Variants in SLC41A3 observed in about 807,000 individuals in gnomAD.
SLC41A3 encodes solute carrier family 41 member 3, also known as SLC41A1-like 2.
In SLC41A3, 44 loss-of-function variants were observed where a neutral mutation model predicts 45.4. The ratio of observed to expected loss-of-function variants is 0.97; its 90% CI spans 0.76 to 1.25. The LOEUF (loss-of-function observed/expected upper bound fraction) is 1.25, where lower values mean the gene tolerates loss of function less well. Ranked by LOEUF, SLC41A3 falls within the 50% of genes most tolerant of loss-of-function variation. SLC41A3 has a pLI of 0.00. For missense variants in SLC41A3, 550 were observed against 600.6 expected (o/e 0.92, Z 0.88); for synonymous variants, 256 against 252.4 (o/e 1.01, Z -0.13).
At chr3:126,013,116 T>C (rs1407967751) in intron 8 of SLC41A3, among the ~76,000 whole-genome samples, 1 of 151,886 alleles carries the variant, frequency 6.6e-6, no homozygotes, top group Non-Finnish European at 1.5e-5. Flanking sequence ...CTGAGAATAG[T>C]GTGATAAGGC....
At chr3:126,086,408 G>GGTTTTTTTTGTTT (rs776330275), upstream of SLC41A3, among the ~76,000 whole-genome samples, 2 of 21,184 alleles carry the variant, frequency 9.4e-5, no homozygotes. Flanking sequence ...TTGTTTTCTT[G>GGTTTTTTTTGTTT]TTTTTTTTTT....
intron 2 of SLC41A3, among the ~76,000 whole-genome samples, chr3:126,063,004 G>A (rs149715908): frequency 1.7e-4 from 26 of 152,324 alleles, no homozygotes; most frequent in Admixed American, 3.3e-4. Flanking sequence ...AGGGGCTGCG[G>A]ATCCAGGGAA....
intron 2 of SLC41A3, among the ~76,000 whole-genome samples, chr3:126,057,692 A>G (rs940286565): frequency 2.0e-5 from 3 of 152,066 alleles, no homozygotes; most frequent in African/African-American, 7.2e-5. Flanking sequence ...GGCCTCCCCA[A>G]GGCTGTCCCT....
At chr3:126,081,718 G>A (rs1345370585) in intron 1 of SLC41A3, among the ~76,000 whole-genome samples, 1 of 152,218 alleles carries the variant, frequency 6.6e-6, no homozygotes. Flanking sequence ...AGAAGGGCCT[G>A]GAACACAGCC....
At chr3:126,035,846 C>CT (rs1368868216) in intron 3 of SLC41A3, among the ~76,000 whole-genome samples, 3 of 152,072 alleles carry the variant, frequency 2.0e-5, no homozygotes, top group Admixed American at 6.5e-5. Context: ...CGAGGGGGCT[C>CT]TCGGGGGAGC....
chr3:126,041,846 A>C (rs1942615147), intron 3 of SLC41A3, among the ~76,000 whole-genome samples: 1 of 143,456 alleles, frequency 7.0e-6, no homozygotes, highest in African/African-American at 2.6e-5. Flanking sequence ...AATAGCTTTG[A>C]GGCAGCTCAG....
chr3:126,029,074 CT>C (rs1941595735), intron 4 of SLC41A3, among the ~76,000 whole-genome samples: 1 of 152,124 alleles, frequency 6.6e-6, no homozygotes, highest in Admixed American at 6.5e-5. Flanking sequence ...AGACTTTGGA[CT>C]TTTGAGTTAA....
At chr3:126,063,481 G>A (rs962793765) in intron 2 of SLC41A3, among the ~76,000 whole-genome samples, 11 of 152,208 alleles carry the variant, frequency 7.2e-5, no homozygotes, top group South Asian at 4.1e-4. Flanking sequence ...AAGGGTCAGC[G>A]CAGTGGCCAA....
chr3:126,052,391 C>G (rs1035394230), intron 2 of SLC41A3, among the ~76,000 whole-genome samples: 6 of 152,128 alleles, frequency 3.9e-5, no homozygotes, highest in African/African-American at 1.4e-4. Context: ...TGGAGCCCAG[C>G]GTGCTCATGG....
chr3:126,038,385 C>T (rs924640733), intron 3 of SLC41A3, among the ~76,000 whole-genome samples: 8 of 152,258 alleles, frequency 5.3e-5, no homozygotes, highest in Non-Finnish European at 1.0e-4. Flanking sequence ...ACAGCAGCCA[C>T]AGAGGCTGCA....
At chr3:126,013,216 T>G (rs1160414039) in intron 8 of SLC41A3, among the ~76,000 whole-genome samples, 1 of 151,954 alleles carries the variant, frequency 6.6e-6, no homozygotes, top group Non-Finnish European at 1.5e-5. Context: ...GTGATTTTTT[T>G]TTTTTCACTC....
At chr3:126,073,685 T>G (rs1944739350) in intron 1 of SLC41A3, among the ~76,000 whole-genome samples, 1 of 151,742 alleles carries the variant, frequency 6.6e-6, no homozygotes, top group African/African-American at 2.4e-5. Flanking sequence ...AAATAAAAAA[T>G]ATTAATAGAT....
intron 2 of SLC41A3, 100 bp from the exon 3 acceptor site, chr3:126,051,150 T>C (rs1943307347): frequency 2.3e-6 from 3 of 1,318,010 alleles, no homozygotes; most frequent in Non-Finnish European, 3.0e-6. Flanking sequence ...TCACTCCCTA[T>C]AAAATGAACA....
intron 3 of SLC41A3, among the ~76,000 whole-genome samples, chr3:126,038,030 C>A (rs571891470): frequency 1.3e-5 from 2 of 152,338 alleles, no homozygotes; most frequent in East Asian, 3.9e-4. Flanking sequence ...TCAGAGGATG[C>A]AAGTCTTACA....
intron 1 of SLC41A3, among the ~76,000 whole-genome samples, chr3:126,099,710 T>C (rs574458949): frequency 1.3e-4 from 20 of 152,146 alleles, no homozygotes; most frequent in Non-Finnish European, 2.8e-4. Context: ...ATAAAGAGGG[T>C]AGAATGAAGA....
At chr3:126,067,677 T>A in intron 2 of SLC41A3, 1 of 537,056 alleles carries the variant, frequency 1.9e-6, no homozygotes, top group South Asian at 1.9e-5. Context: ...TTGTTAAACT[T>A]CAAAGTACAT....
rs776010485 is a variant in SLC41A3, at chr3:126,016,738, T to A, written c.883A>T (p.Ile295Phe). ...GWFPIILAMV[I>F]SSFGGLILSK... ...GCCCTGGCTCCTGCTCACCTGCTGA[T>A]GACCATGGCCAGGATGATTGGGAAC... The change falls in exon 7 of 11, where the codon ATC (isoleucine) becomes TTC (phenylalanine). Residue 295 changes from isoleucine to phenylalanine, a missense_variant. By Grantham distance (21) the Ile-to-Phe change is conservative. Transcript: ENST00000360370. The A allele has an allele frequency of 1.5e-5, 24 of 1,608,684 alleles. No individual in the cohort carries two copies. The highest frequency in any genetic ancestry group is 3.3e-4 in the Middle Eastern group (2 of 6,054).
intron 8 of SLC41A3, among the ~76,000 whole-genome samples, 161 bp downstream of exon 8, chr3:126,015,333 T>C (rs1940164154): frequency 6.6e-6 from 1 of 152,232 alleles, no homozygotes. Context: ...TGAGAAGACC[T>C]GCTCCAGCAT....
chr3:126,026,180 C>A lies in SLC41A3; in HGVS notation c.598+155G>T. 1.6e-6 allele frequency: 2 copies of A among 1,217,788 alleles called. No homozygotes were observed. The highest frequency in any genetic ancestry group is 2.3e-6 in the Non-Finnish European group (2 of 886,578). 75.4% of individuals were successfully genotyped at this position (1,217,788 alleles called of 1,614,324 possible). ...AGGTGGGCCATGAAGACCCAGCTGG[C>A]TCGTCCCACCCTGCCAGTGAGAACC... On this transcript the variant is annotated intron_variant, in intron 5 of 10. Coordinates refer to ENST00000360370, the MANE Select transcript of SLC41A3 (RefSeq NM_017836.4). The surrounding 1 kb of genome is among the most constrained non-coding windows in gnomAD (Gnocchi z 4.2).
Sources: allele counts gnomAD v4.1 joint callset (sites outside exome capture counted in the v4.1 genomes callset), GRCh38; gene constraint gnomAD v4.1.1; non-coding constraint Gnocchi (gnomAD v3.1); transcripts MANE v1.5; gene names NCBI Gene and HGNC (gene_info 2026-07-23, HGNC 2026-07-21).